The following KCNH1 variants were observed in gnomAD, a reference collection of about 807,000 sequenced individuals.
KCNH1 encodes the protein potassium voltage-gated channel subfamily H member 1.
In KCNH1, 27 loss-of-function variants were observed where a neutral mutation model predicts 69.2. The observed-to-expected ratio is 0.39, with a 90% CI of 0.29 to 0.54. The LOEUF is 0.54. Ranked by LOEUF, KCNH1 falls within the 20% of genes least tolerant of loss-of-function variation. The pLI is 0.68. For synonymous variants in KCNH1, 456 were observed against 487.7 expected, an observed-to-expected ratio of 0.93 and a Z score of 0.86; for missense variants, 798 against 1,261.6, an observed-to-expected ratio of 0.63 and a Z score of 5.57.
chr1:211,098,625 G>GA (rs1173293171), intron 3 of KCNH1, among the ~76,000 whole-genome samples: 1 of 151,840 alleles, frequency 6.6e-6, no homozygotes, highest in South Asian at 2.1e-4. Context: ...ATGAGACTGG[G>GA]AAAAAAAGAA....
intron 7 of KCNH1, among the ~76,000 whole-genome samples, chr1:210,900,497 C>T (rs910446313): frequency 4.6e-5 from 7 of 152,200 alleles, no homozygotes; most frequent in African/African-American, 7.2e-5. Flanking sequence ...CTAGGGAAGG[C>T]TGTGGGAGGT....
At chr1:211,085,951 A>G (rs1288373656) in intron 4 of KCNH1, among the ~76,000 whole-genome samples, 2 of 152,162 alleles carry the variant, frequency 1.3e-5, no homozygotes, top group Non-Finnish European at 2.9e-5. Context: ...TCAAGGAAGG[A>G]TACTGACCTA....
At chr1:210,807,141 T>C (rs771254100) in intron 7 of KCNH1, among the ~76,000 whole-genome samples, 1 of 151,988 alleles carries the variant, frequency 6.6e-6, no homozygotes, top group Non-Finnish European at 1.5e-5. Context: ...ATAAAGTATA[T>C]GTATAGTTCT....
chr1:211,048,159 C>A (rs116631998), intron 5 of KCNH1, among the ~76,000 whole-genome samples: 3 of 151,938 alleles, frequency 2.0e-5, no homozygotes, highest in African/African-American at 7.3e-5. Context: ...CAAGAATGCC[C>A]GTAATTTAAA....
intron 10 of KCNH1, among the ~76,000 whole-genome samples, chr1:210,735,788 T>C (rs1682864188): frequency 1.4e-5 from 2 of 146,024 alleles, no homozygotes; most frequent in South Asian, 4.5e-4. Flanking sequence ...CATGCATGCA[T>C]GCATACACAG....
intron 6 of KCNH1, among the ~76,000 whole-genome samples, chr1:211,008,595 T>C (rs1447465872): frequency 6.6e-6 from 1 of 152,254 alleles, no homozygotes; most frequent in Non-Finnish European, 1.5e-5. Flanking sequence ...TCCACTTATC[T>C]GTACTTCAAG....
intron 10 of KCNH1, among the ~76,000 whole-genome samples, chr1:210,718,129 A>G (rs979080060): frequency 1.1e-4 from 17 of 149,886 alleles, no homozygotes; most frequent in African/African-American, 4.2e-4. Flanking sequence ...CAAAAACAAA[A>G]AACAAGGAAA....
intron 10 of KCNH1, among the ~76,000 whole-genome samples, chr1:210,708,433 A>G (rs543242534): frequency 1.3e-5 from 2 of 152,100 alleles, no homozygotes; most frequent in African/African-American, 4.8e-5. Flanking sequence ...CTTGAAATTC[A>G]TCTTTGATGT....
intron 7 of KCNH1, among the ~76,000 whole-genome samples, chr1:210,906,935 C>T (rs1687114781): frequency 6.6e-6 from 1 of 152,118 alleles, no homozygotes; most frequent in South Asian, 2.1e-4. Context: ...TACCAAGATC[C>T]TTTAAAATGA....
At chr1:210,867,913 C>A (rs977930807) in intron 7 of KCNH1, among the ~76,000 whole-genome samples, 1 of 151,964 alleles carries the variant, frequency 6.6e-6, no homozygotes, top group East Asian at 1.9e-4. Flanking sequence ...GTTTGTTTTG[C>A]ACTCATCTGC....
intron 10 of KCNH1, among the ~76,000 whole-genome samples, chr1:210,754,022 C>A (rs375750913): frequency 1.9e-3 from 281 of 151,786 alleles, no homozygotes; most frequent in African/African-American, 6.3e-3. Context: ...TCAGGCCGTT[C>A]TCCTGCCTCA....
chr1:210,813,963 C>G (rs372388100), intron 7 of KCNH1, among the ~76,000 whole-genome samples: 6 of 152,164 alleles, frequency 3.9e-5, no homozygotes, highest in South Asian at 4.1e-4. Flanking sequence ...GTAAGATGTG[C>G]CTTTTGCCTT....
intron 7 of KCNH1, among the ~76,000 whole-genome samples, chr1:210,873,090 A>G (rs1457679237): frequency 6.6e-6 from 1 of 152,206 alleles, no homozygotes; most frequent in African/African-American, 2.4e-5. Flanking sequence ...TTTCGCTACC[A>G]TGACCACTGA....
intron 3 of KCNH1, among the ~76,000 whole-genome samples, chr1:211,098,667 G>T (rs964470047): frequency 1.3e-5 from 2 of 152,172 alleles, no homozygotes; most frequent in African/African-American, 4.8e-5. Flanking sequence ...TTGTAAAAAT[G>T]AGTGGGAAAA....
intron 7 of KCNH1, among the ~76,000 whole-genome samples, chr1:210,831,210 A>G (rs1685155623): frequency 6.6e-6 from 1 of 152,192 alleles, no homozygotes; most frequent in African/African-American, 2.4e-5. Context: ...CTGATGCTTT[A>G]TTCTGTTTAA....
intron 1 of KCNH1, among the ~76,000 whole-genome samples, chr1:211,114,639 G>A (rs918542311): frequency 6.6e-6 from 1 of 152,154 alleles, no homozygotes; most frequent in East Asian, 1.9e-4. Context: ...CAGGTGGTTG[G>A]CCATATTCCC....
chr1:211,065,117 A>T (rs1206141566), intron 5 of KCNH1, among the ~76,000 whole-genome samples: 1 of 152,228 alleles, frequency 6.6e-6, no homozygotes, highest in Non-Finnish European at 1.5e-5. Context: ...CATATGATTC[A>T]CCAATCTCTC....
At chr1:211,053,589 T>TA (rs1332488510) in intron 5 of KCNH1, among the ~76,000 whole-genome samples, 1 of 152,168 alleles carries the variant, frequency 6.6e-6, no homozygotes, top group Non-Finnish European at 1.5e-5. Context: ...GGGTTATCTG[T>TA]AAAAAATCAG....
At chr1:210,710,450 T>C (rs1350751068) in intron 10 of KCNH1, among the ~76,000 whole-genome samples, 2 of 152,226 alleles carry the variant, frequency 1.3e-5, no homozygotes, top group East Asian at 3.9e-4. Flanking sequence ...TACGAAGAGA[T>C]GTGCATTTAG....
Sources: allele counts gnomAD v4.1 joint callset (sites outside exome capture counted in the v4.1 genomes callset), GRCh38; gene constraint gnomAD v4.1.1; transcripts MANE v1.5; gene names NCBI Gene and HGNC (gene_info 2026-07-23, HGNC 2026-07-21).